The following ME1 variants were observed in gnomAD, a reference collection of about 807,000 sequenced individuals.
ME1 encodes malic enzyme 1, also known as NADP-dependent malic enzyme.
Under a neutral mutation model 66.4 loss-of-function variants are expected in ME1, and 74 were observed. The ratio of observed to expected loss-of-function variants is 1.11; its 90% CI spans 0.92 to 1.35. ME1 has a LOEUF of 1.35. Ranked by LOEUF, ME1 falls within the 40% of genes most tolerant of loss-of-function variation. The pLI is 0.00. For missense variants in ME1, 750 were observed against 694.1 expected (o/e 1.08, Z -0.90); for synonymous variants, 251 against 235.6 (o/e 1.07, Z -0.60).
intron 3 of ME1, chr6:83,393,192 C>A: frequency 8.1e-7 from 1 of 1,228,402 alleles, no homozygotes; most frequent in Non-Finnish European, 1.2e-6. Context: ...GGTGGTGAAG[C>A]AGGCGTCAGA....
intron 3 of ME1, among the ~76,000 whole-genome samples, chr6:83,363,903 G>T (rs1769050444): frequency 6.6e-6 from 1 of 152,154 alleles, no homozygotes; most frequent in Non-Finnish European, 1.5e-5. Context: ...AAGGATAGTT[G>T]TATTATGTTA....
At chr6:83,390,567 A>C (rs1241572641) in intron 3 of ME1, among the ~76,000 whole-genome samples, 1 of 152,182 alleles carries the variant, frequency 6.6e-6, no homozygotes, top group Admixed American at 6.5e-5. Context: ...AGGAGAAGCC[A>C]TAATTATTTT....
At chr6:83,328,968 T>C (rs959265802) in intron 5 of ME1, among the ~76,000 whole-genome samples, 3 of 152,180 alleles carry the variant, frequency 2.0e-5, no homozygotes, top group African/African-American at 7.2e-5. Context: ...GATCTTACTA[T>C]TCACATTATC....
chr6:83,217,492 C>T (rs79265271), intron 12 of ME1, among the ~76,000 whole-genome samples: 3,996 of 152,078 alleles, frequency 0.026, 82 homozygotes, highest in Admixed American at 0.055. Context: ...CATAACACTA[C>T]GGAGAAGCTT....
chr6:83,344,137 T>G (rs1768641830), intron 5 of ME1, among the ~76,000 whole-genome samples: 1 of 149,738 alleles, frequency 6.7e-6, no homozygotes, highest in African/African-American at 2.5e-5. Flanking sequence ...TTAAAAAAAA[T>G]TAGATTGGTG....
At chr6:83,277,662 G>A (rs576204426) in intron 6 of ME1, among the ~76,000 whole-genome samples, 4 of 152,246 alleles carry the variant, frequency 2.6e-5, no homozygotes, top group African/African-American at 7.2e-5. Flanking sequence ...AGCACTTTGG[G>A]AGGCTGAGGC....
chr6:83,286,139 G>A (rs977405361), intron 6 of ME1, among the ~76,000 whole-genome samples: 1 of 152,172 alleles, frequency 6.6e-6, no homozygotes, highest in African/African-American at 2.4e-5. Flanking sequence ...TGGAGCCAGA[G>A]AGTCTGGATT....
At chr6:83,374,275 C>T (rs921316264) in intron 3 of ME1, among the ~76,000 whole-genome samples, 1 of 152,154 alleles carries the variant, frequency 6.6e-6, no homozygotes, top group African/African-American at 2.4e-5. Context: ...TGTTTCTTGA[C>T]TTTTTAATAA....
intron 3 of ME1, among the ~76,000 whole-genome samples, chr6:83,370,662 T>C (rs1158415168): frequency 6.6e-6 from 1 of 152,078 alleles, no homozygotes; most frequent in Non-Finnish European, 1.5e-5. Context: ...TTTCCAAACA[T>C]TACAAATAAC....
In ME1 at chr6:83,253,660, G is replaced by C; in HGVS notation, c.783C>G (p.Asn261Lys). ...TATCATCATTGAATGTGCAATACTGGTTTCGATACTTGTTCAGGAGACGAA... is the reference window on the plus strand; with the variant it reads ...TATCATCATTGAATGTGCAATACTGCTTTCGATACTTGTTCAGGAGACGAA... ...NAFRLLNKYRNQYCTFNDDIQ... is the reference protein window; with the variant it reads ...NAFRLLNKYRKQYCTFNDDIQ... The change falls in exon 7 of 14, where the codon AAC becomes AAG. Residue 261 changes from asparagine to lysine, a missense_variant. Physicochemically the swap from Asn to Lys is moderately conservative, Grantham distance 94. Coordinates refer to ENST00000369705, the MANE Select transcript of ME1 (RefSeq NM_002395.6). The C allele has an allele frequency of 4.3e-6, 7 of 1,610,374 alleles. No individual in the cohort carries two copies. Among genetic ancestry groups the C allele is most frequent in the Non-Finnish European group, 5.9e-6 (7 of 1,177,182 alleles).
At chr6:83,354,157 C>A (rs572466199) in intron 3 of ME1, among the ~76,000 whole-genome samples, 4 of 152,248 alleles carry the variant, frequency 2.6e-5, no homozygotes, top group Admixed American at 6.5e-5. Flanking sequence ...GAAAGTGTCT[C>A]GCTCTGTCAC....
intron 5 of ME1, among the ~76,000 whole-genome samples, chr6:83,316,730 G>A (rs1452092139): frequency 6.6e-6 from 1 of 151,936 alleles, no homozygotes; most frequent in East Asian, 1.9e-4. Flanking sequence ...CACAATCACA[G>A]TTTATAAAGT....
intron 2 of ME1, among the ~76,000 whole-genome samples, chr6:83,399,099 T>C (rs1017456375): frequency 3.3e-5 from 5 of 151,884 alleles, no homozygotes; most frequent in African/African-American, 1.2e-4. Context: ...GTTCAAGCGT[T>C]TTCTCCTGCC....
intron 6 of ME1, among the ~76,000 whole-genome samples, chr6:83,283,249 T>G (rs9766960): frequency 0.04 from 3,778 of 95,196 alleles, 423 homozygotes; most frequent in African/African-American, 0.2. Flanking sequence ...AAAAAAAAAA[T>G]GATGAGTTCA....
At chr6:83,278,324 C>T (rs892818048) in intron 6 of ME1, among the ~76,000 whole-genome samples, 2 of 152,214 alleles carry the variant, frequency 1.3e-5, no homozygotes, top group African/African-American at 4.8e-5. Context: ...GGGGCCTCCA[C>T]ACTTTCATAA....
At chr6:83,283,417 C>T (rs915814218) in intron 6 of ME1, among the ~76,000 whole-genome samples, 2 of 151,162 alleles carry the variant, frequency 1.3e-5, no homozygotes, top group Non-Finnish European at 2.9e-5. Context: ...ACCAGGACCT[C>T]TCATGGGGTG....
intron 5 of ME1, 68 bp from the exon 6 acceptor site, chr6:83,315,481 T>C: frequency 1.1e-6 from 1 of 923,698 alleles, no homozygotes; most frequent in Non-Finnish European, 1.7e-6. Flanking sequence ...CCTCAGTTTC[T>C]TCATCTGTAT....
intron 5 of ME1, 46 bp downstream of exon 5, chr6:83,346,127 C>A (rs1026727909): frequency 4.3e-6 from 6 of 1,379,416 alleles, no homozygotes; most frequent in Admixed American, 2.4e-5. Context: ...AGAATTGATG[C>A]CATTTTTAAA....
chr6:83,428,283 T>C (rs868165765), intron 1 of ME1, among the ~76,000 whole-genome samples: 8 of 152,272 alleles, frequency 5.3e-5, no homozygotes, highest in African/African-American at 1.7e-4. Context: ...GTAAACCCAA[T>C]TGACAGACTG....
Sources: gnomAD v4.1 joint callset for allele counts (sites outside exome capture counted in the v4.1 genomes callset) on GRCh38, gnomAD v4.1.1 for gene constraint, MANE v1.5 for transcripts, NCBI Gene and HGNC (gene_info 2026-07-23, HGNC 2026-07-21) for gene names.